Variants in KDM5C observed in about 807,000 individuals in gnomAD.
KDM5C encodes the protein lysine-specific demethylase 5C.
A neutral mutation model predicts 110.6 loss-of-function variants in KDM5C; 16 were observed. The ratio of observed to expected loss-of-function variants is 0.14; its 90% CI spans 0.10 to 0.22. KDM5C has a LOEUF of 0.22. Ranked by LOEUF, KDM5C falls within the 10% of genes least tolerant of loss-of-function variation. The probability of loss-of-function intolerance (pLI) is 1.00; values close to 1 mark genes in which losing one functional copy is unlikely to be tolerated. For missense variants in KDM5C, 681 were observed against 1,300.9 expected, an observed-to-expected ratio of 0.52 and a Z score of 7.33; for synonymous variants, 511 against 520.4, an observed-to-expected ratio of 0.98 and a Z score of 0.24.
chrX:53,188,431 A>C (rs781920217), downstream of KDM5C, among the ~76,000 whole-genome samples: 2 of 107,508 alleles, frequency 1.9e-5, no homozygotes, highest in African/African-American at 6.8e-5. Flanking sequence ...ACTGGAGTGC[A>C]ATGGCGCGAT....
At position 53,220,928 on chromosome X, in the gene KDM5C, G is replaced by C. The variant is rs375680183; in HGVS notation, c.151-12C>G. On this transcript the variant is annotated splice_polypyrimidine_tract_variant and intron_variant, in intron 1 of 25. Transcript: ENST00000375401. ...GGTGGCTGCCAGTCCTGAGAGGGTA[G>C]AGAGGGGAAAGGGACTTGAGTTATC... 40 of 1,193,515 alleles carry C rather than the reference G, an allele frequency of 3.4e-5. 1 individual carries two copies. In the South Asian group the frequency reaches 6.7e-4, roughly 20 times the overall value.
rs1465729344 is a variant in KDM5C at position 53,223,466 on chromosome X, C to A, written c.150+1274G>T. Among the ~76,000 whole-genome samples the A allele has an allele frequency of 3.6e-5, 4 of 111,579 alleles. No individual in the cohort carries two copies. In the Admixed American group the frequency reaches 3.8e-4, roughly 11 times the overall value. On this transcript the variant is annotated intron_variant, in intron 1 of 25. Transcript: ENST00000375401. ...AGATCTGTGGCTGAGCACCAGAAAGCACCAAGTTGGATAAGGAGGCCTGTG... is the reference window on the plus strand; with the variant it reads ...AGATCTGTGGCTGAGCACCAGAAAGAACCAAGTTGGATAAGGAGGCCTGTG...
downstream of KDM5C, among the ~76,000 whole-genome samples, chrX:53,189,903 A>AGAAGGGTTCAGTTGGGCCT (rs1934350844): frequency 1.8e-5 from 2 of 112,474 alleles, no homozygotes; most frequent in Admixed American, 1.9e-4. Flanking sequence ...GAGAAGGGGA[A>AGAAGGGTTCAGTTGGGCCT]GAAGGGTTCA....
chrX:53,202,870 T>A (rs1212313260), intron 12 of KDM5C: 3 of 107,013 alleles, frequency 2.8e-5, no homozygotes, highest in African/African-American at 1.0e-4. Context: ...CAGGCTGGAG[T>A]GCAGTGGCAC....
rs782521915 is a variant in KDM5C at position 53,198,922 on chromosome X, C to T, written c.2244-34G>A. 5.0e-6 allele frequency: 6 copies of T among 1,210,476 alleles called. No individual in the cohort carries two copies. In the East Asian group the frequency reaches 1.8e-4, roughly 36 times the overall value. On this transcript the variant is annotated intron_variant, in intron 15 of 25. Coordinates refer to ENST00000375401, the MANE Select transcript of KDM5C (RefSeq NM_004187.5). ...AGAGGGCAGGCAAGAGCATGTCTGG[C>T]CCAGCTCTCCATCCTCCTTCTTGCC...
chrX:53,218,099 C>T (rs1602230978), intron 3 of KDM5C, 133 bp from the exon 4 acceptor site: 1 of 893,266 alleles, frequency 1.1e-6, no homozygotes, highest in Admixed American at 2.6e-5. Context: ...ATCCCCTTAT[C>T]CCAACCTCAA....
At chrX:53,206,818 C>T (rs1300058819) in intron 12 of KDM5C, among the ~76,000 whole-genome samples, 9 of 85,753 alleles carry the variant, frequency 1.0e-4, no homozygotes, top group African/African-American at 3.6e-4. Context: ...GAGCCGAGAT[C>T]GCACCACTGC....
At chrX:53,190,417 C>T (rs1023694097), downstream of KDM5C, among the ~76,000 whole-genome samples, 4 of 112,428 alleles carry the variant, frequency 3.6e-5, no homozygotes, top group Admixed American at 2.8e-4. Flanking sequence ...GTTCTCTAAC[C>T]TGGGAGTTGC....
chrX:53,179,925 T>G (rs1218244917), intron 25 of KDM5C, among the ~76,000 whole-genome samples: 2 of 111,978 alleles, frequency 1.8e-5, no homozygotes, highest in Non-Finnish European at 3.8e-5. Flanking sequence ...GCAATCACAC[T>G]CTTTTGTATT....
intron 10 of KDM5C, among the ~76,000 whole-genome samples, 186 bp downstream of exon 10, chrX:53,211,311 G>A (rs952037585): frequency 4.5e-5 from 5 of 112,094 alleles, no homozygotes; most frequent in Middle Eastern, 4.6e-3. Context: ...TCACAGAGGC[G>A]AAAGAACCCA....
At chrX:53,212,151 A>G (rs782265339) in intron 8 of KDM5C, among the ~76,000 whole-genome samples, 1 of 111,146 alleles carries the variant, frequency 9.0e-6, no homozygotes, top group South Asian at 3.8e-4. Flanking sequence ...ACTTTCTTTC[A>G]TTGGTTCCTC....
chrX:53,194,946 C>T lies in KDM5C; in HGVS notation c.3423G>A (p.Arg1141=). 8.3e-7 allele frequency: 1 copy of T among 1,211,137 alleles called. No homozygotes were observed. Among genetic ancestry groups the T allele is most frequent in the South Asian group, 1.8e-5 (1 of 56,889 alleles). ...AGCTCCTTACCACAGAGCCTGGGTC[C>T]CTGAGGTCCTGCGCAGACAGCCCCA... ...ELLGLSAQDL[R]DPGSVIVAFK... Residue 1141 remains arginine (R), a synonymous_variant, in exon 22 of 26, where the codon AGG becomes AGA. Transcript: ENST00000375401.
intron 1 of KDM5C, among the ~76,000 whole-genome samples, chrX:53,223,677 T>C: frequency 8.9e-6 from 1 of 112,278 alleles, no homozygotes; most frequent in Non-Finnish European, 1.9e-5. Context: ...GGGAGACTTC[T>C]AGCCTGAAGC....
chrX:53,208,499 CTTTT>C (rs67574134), intron 12 of KDM5C, among the ~76,000 whole-genome samples: 51 of 48,292 alleles, frequency 1.1e-3, no homozygotes, highest in African/African-American at 3.1e-3. Context: ...TCAGAGAATC[CTTTT>C]TTTTTTTTTT....
At chrX:53,210,260 C>G (rs2073519922) in intron 12 of KDM5C, among the ~76,000 whole-genome samples, 154 bp downstream of exon 12, 1 of 112,295 alleles carries the variant, frequency 8.9e-6, no homozygotes, top group South Asian at 3.7e-4. Context: ...TATTTTGGGT[C>G]TCTACTAGAC....
At chrX:53,176,722 A>C (rs990176350) in intron 25 of KDM5C, among the ~76,000 whole-genome samples, 16 of 112,420 alleles carry the variant, frequency 1.4e-4, no homozygotes, top group Admixed American at 3.8e-4. Context: ...AAGAAGATAA[A>C]GCACAGCTAT....
Position 53,193,796 on chromosome X carries a change from G to A in KDM5C, c.4094C>T (p.Pro1365Leu), listed in dbSNP as rs782122668. 3.2e-5 allele frequency: 39 copies of A among 1,208,777 alleles called. No individual in the cohort carries two copies. The East Asian group carries it at 9.2e-4, about 28-fold the overall frequency. ...ACCTCTCTTACCTGAGCCCTCCTCC[G>A]GGGCTACCTTCTCAGGACTGGTCAC... Reference protein sequence around the residue: ...DSVTSPEKVAPEEGSGKRDLE... With the variant: ...DSVTSPEKVALEEGSGKRDLE... Residue 1365 changes from proline (P) to leucine (L), a missense_variant, in exon 24 of 26, where the codon CCG becomes CTG. This residue lies in a region of KDM5C where 88 missense variants were observed against 85.6 expected (regional missense o/e 1.03). Transcript: ENST00000375401.
chrX:53,185,311 A>G (rs1934185825), intron 25 of KDM5C, among the ~76,000 whole-genome samples: 1 of 110,950 alleles, frequency 9.0e-6, no homozygotes, highest in Admixed American at 9.5e-5. Flanking sequence ...GCTATTAAGG[A>G]TGGAGATGAC....
At chrX:53,199,768 A>G (rs2073083615) in intron 14 of KDM5C, among the ~76,000 whole-genome samples, 1 of 112,454 alleles carries the variant, frequency 8.9e-6, no homozygotes, top group African/African-American at 3.2e-5. Flanking sequence ...CATTTCAAAA[A>G]TGAAGGAAAA....
Sources: allele counts gnomAD v4.1 joint callset (sites outside exome capture counted in the v4.1 genomes callset), GRCh38; gene constraint gnomAD v4.1.1; regional missense constraint gnomAD v4.1.1; transcripts MANE v1.5; gene names NCBI Gene and HGNC (gene_info 2026-07-23, HGNC 2026-07-21).